The following STARD9 variants were observed in gnomAD, a reference collection of about 807,000 sequenced individuals.
STARD9 encodes StAR related lipid transfer domain containing 9, also known as stAR-related lipid transfer protein 9.
STARD9 carries 346 observed loss-of-function variants against 399.8 expected under a neutral mutation model. That is an observed-to-expected ratio of 0.87 (90% CI 0.79 to 0.95). The LOEUF (loss-of-function observed/expected upper bound fraction) is 0.95, where lower values mean the gene tolerates loss of function less well. Ranked by LOEUF, STARD9 falls within the 40% of genes least tolerant of loss-of-function variation. The pLI, the probability that STARD9 is intolerant of heterozygous loss-of-function variation, is 0.00. For missense variants in STARD9, 5,832 were observed against 5,667.5 expected, an observed-to-expected ratio of 1.03 and a Z score of -0.93; for synonymous variants, 2,203 against 2,143.5, an observed-to-expected ratio of 1.03 and a Z score of -0.77.
intron 7 of STARD9, among the ~76,000 whole-genome samples, chr15:42,641,679 A>C (rs919231858): frequency 7.9e-5 from 12 of 151,624 alleles, no homozygotes; most frequent in Non-Finnish European, 1.3e-4. Flanking sequence ...ATCTCGGCTC[A>C]CCACAGCCTC....
chr15:42,667,644 A>G (rs2060128514), intron 15 of STARD9, among the ~76,000 whole-genome samples: 1 of 150,390 alleles, frequency 6.6e-6, no homozygotes, highest in Non-Finnish European at 1.5e-5. Flanking sequence ...ACGCCAGGCT[A>G]ATTTTTTGTA....
chr15:42,719,510 T>C lies in STARD9; in HGVS notation c.14039T>C (p.Leu4680Pro). Residue 4680 changes from leucine to proline, a missense_variant, in exon 33 of 33, where the codon CTG becomes CCG. Leu to Pro is a moderately conservative substitution (Grantham distance 98). Coordinates refer to ENST00000290607, the MANE Select transcript of STARD9 (RefSeq NM_020759.3). ...LGAPGFPPQLLSSFIKRQPLV... is the reference protein window; with the variant it reads ...LGAPGFPPQLPSSFIKRQPLV... ...GCTCCAGGCTTCCCACCTCAGCTCC[T>C]GAGCTCTTTCATCAAACGGCAGCCA... The C allele has an allele frequency of 6.5e-7, 1 of 1,537,194 alleles. No homozygotes were observed. The highest frequency in any genetic ancestry group is 1.2e-5 in the South Asian group (1 of 84,062).
At position 42,718,875 on chromosome 15, in the gene STARD9, GGGAA is replaced by G; in HGVS notation, c.13972_13975del (p.Glu4658SerfsTer22). On this transcript the variant is annotated frameshift_variant, in exon 32 of 33. Transcript: ENST00000290607. LOFTEE classifies it high-confidence loss of function. ...GATCTTGCAGCCCATCACTGTGGAA[GGGAA>G]GGAAGTCACCAGAGTCATCTACTTG... 2 of 1,537,240 alleles carry G rather than the reference GGGAA, an allele frequency of 1.3e-6. No individual in the cohort carries two copies. Among genetic ancestry groups the G allele is most frequent in the Non-Finnish European group, 1.7e-6 (2 of 1,146,886 alleles).
At chr15:42,637,841 G>A (rs1172722143) in intron 4 of STARD9, 66 bp from the exon 5 acceptor site, 1 of 1,493,488 alleles carries the variant, frequency 6.7e-7, no homozygotes, top group Non-Finnish European at 9.0e-7. Flanking sequence ...ATGGTTCCTG[G>A]GTATTCTGTG....
chr15:42,684,984 C>T lies in STARD9; in HGVS notation c.3406C>T (p.Pro1136Ser), dbSNP rs1226300996. The part of the protein sequence containing the change: ...PEERKWDFPE[P>S]ENSESDDSQL... ...GGAGAGGAAATGGGATTTCCCAGAG[C>T]CAGAGAACTCTGAAAGTGATGACAG... The change falls in exon 23 of 33, where the codon CCA becomes TCA. Residue 1136 changes from proline to serine, a missense_variant. By Grantham distance (74) the Pro-to-Ser change is moderately conservative (BLOSUM62 -1). Transcript: ENST00000290607. 2 of 1,537,038 alleles carry T rather than the reference C, an allele frequency of 1.3e-6. No homozygotes were observed. Among genetic ancestry groups the T allele is most frequent in the Non-Finnish European group, 8.7e-7 (1 of 1,146,918 alleles).
In STARD9 at chr15:42,694,054, C is replaced by G. The variant is rs978885858; in HGVS notation, c.12476C>G (p.Thr4159Ser). 5 of 1,536,212 alleles carry G rather than the reference C, an allele frequency of 3.3e-6. No individual in the cohort carries two copies. Among genetic ancestry groups the G allele is most frequent in the Admixed American group, 2.0e-5 (1 of 50,832 alleles). ...GGCTCACCTGGGGGGTTGGACATGA[C>G]TGAGGAGGAGCTGGGGGCCAGCGGT... ...QKGSPGGLDMTEEELGASGDL... is the reference protein window; with the variant it reads ...QKGSPGGLDMSEEELGASGDL... The change falls in exon 23 of 33, where the codon ACT becomes AGT. Residue 4159 changes from threonine to serine, a missense_variant. Physicochemically the swap from Thr to Ser is moderately conservative, Grantham distance 58. This residue lies in a region of STARD9 where 5,828 missense variants were observed against 5,651.1 expected (regional missense o/e 1.03). Coordinates refer to ENST00000290607, the MANE Select transcript of STARD9 (RefSeq NM_020759.3).
Position 42,691,380 on chromosome 15 carries a change from A to T in STARD9, c.9802A>T (p.Lys3268Ter). 6.5e-7 allele frequency: 1 copy of T among 1,537,240 alleles called. No individual in the cohort carries two copies. Among genetic ancestry groups the T allele is most frequent in the Non-Finnish European group, 8.7e-7 (1 of 1,146,892 alleles). The stretch of plus-strand genomic sequence containing the variant: ...GTCCAAGATTTTATCACAGGGCTTC[A>T]AAGACCCAGCCACTGTGTCCTTGAG... ...PVSKILSQGFKDPATVSLRQN... is the reference protein window; with the variant it reads ...PVSKILSQGF Residue 3268 changes from lysine (K) to a stop codon, truncating the protein, a stop_gained, in exon 23 of 33, where the codon AAA (lysine) becomes TAA (stop). Transcript: ENST00000290607. LOFTEE classifies it high-confidence loss of function.
chr15:42,631,665 A>ATG (rs1293773626), intron 3 of STARD9, among the ~76,000 whole-genome samples: 1 of 151,674 alleles, frequency 6.6e-6, no homozygotes, highest in Non-Finnish European at 1.5e-5. Context: ...TTTAATTTCC[A>ATG]TGTGTGTGTA....
chr15:42,719,042 G>A (rs2061403425), intron 32 of STARD9, 132 bp downstream of exon 32: 1 of 726,018 alleles, frequency 1.4e-6, no homozygotes, highest in Non-Finnish European at 2.2e-6. Flanking sequence ...GAGACTTGAG[G>A]GCTTCCTGGG....
rs768143082 is a variant in STARD9 at position 42,689,862 on chromosome 15, C to A, written c.8284C>A (p.Gln2762Lys). The change falls in exon 23 of 33, where the codon CAG becomes AAG. Residue 2762 changes from glutamine (Q) to lysine (K), a missense_variant. This residue lies in a region of STARD9 where 5,828 missense variants were observed against 5,651.1 expected (regional missense o/e 1.03). Coordinates refer to ENST00000290607, the MANE Select transcript of STARD9 (RefSeq NM_020759.3). ...DPRVTLHELS[Q>K]SVPQETAEGI... is the part of the protein sequence containing the mutation. ...TAGAGTGACTCTGCATGAGCTAAGT[C>A]AGTCAGTTCCGCAGGAGACTGCAGA... 4 of 1,537,352 alleles carry A rather than the reference C, an allele frequency of 2.6e-6. No homozygotes were observed. The highest frequency in any genetic ancestry group is 3.5e-6 in the Non-Finnish European group (4 of 1,146,928).
At chr15:42,615,869 A>G (rs569200506) in intron 3 of STARD9, among the ~76,000 whole-genome samples, 1 of 152,314 alleles carries the variant, frequency 6.6e-6, no homozygotes, top group South Asian at 2.1e-4. Flanking sequence ...TGTCCATGAT[A>G]TGTGATAAAA....
At chr15:42,587,813 C>G (rs997749886) in intron 3 of STARD9, among the ~76,000 whole-genome samples, 2 of 152,166 alleles carry the variant, frequency 1.3e-5, no homozygotes, top group Non-Finnish European at 2.9e-5. Flanking sequence ...GATCCGCTCA[C>G]CTCAGCCTCC....
Position 42,577,254 on chromosome 15 carries a change from C to T in STARD9, c.47+1492C>T, listed in dbSNP as rs534900279. ...CTGCAAGCTCCGCCTCCCGGGTTCA[C>T]GCCATTCTCCTGCCTCAGCCTCCCC... On this transcript the variant is annotated intron_variant, in intron 1 of 32. Coordinates refer to ENST00000290607, the MANE Select transcript of STARD9 (RefSeq NM_020759.3). Among the ~76,000 whole-genome samples the T allele has an allele frequency of 2.0e-3, 308 of 152,046 alleles. 4 individuals are homozygous for T. Among genetic ancestry groups the T allele is most frequent in the Non-Finnish European group, 5.0e-4 (34 of 67,976 alleles).
intron 20 of STARD9, among the ~76,000 whole-genome samples, chr15:42,680,325 C>T (rs781335178): frequency 2.0e-5 from 3 of 152,058 alleles, no homozygotes; most frequent in Non-Finnish European, 4.4e-5. Flanking sequence ...TTAGGTCGGG[C>T]GTGGTGGCTC....
chr15:42,607,194 CTTTTTTTTTTTT>C (rs763484090), intron 3 of STARD9, among the ~76,000 whole-genome samples: 11 of 39,260 alleles, frequency 2.8e-4, no homozygotes, highest in East Asian at 1.1e-3. Context: ...TTTTCTGGTG[CTTTTTTTTTTTT>C]TTTTTTTTTT....
At chr15:42,619,199 G>T (rs1408629968) in intron 3 of STARD9, among the ~76,000 whole-genome samples, 1 of 152,092 alleles carries the variant, frequency 6.6e-6, no homozygotes, top group Non-Finnish European at 1.5e-5. Context: ...GACACAGAAT[G>T]ATTTGAACAA....
chr15:42,712,549 CCAA>C (rs1402259299), intron 26 of STARD9, among the ~76,000 whole-genome samples: 2 of 152,070 alleles, frequency 1.3e-5, no homozygotes, highest in South Asian at 2.1e-4. Flanking sequence ...TCCAGTTCTC[CCAA>C]CAACATTTGT....
intron 26 of STARD9, among the ~76,000 whole-genome samples, chr15:42,703,230 A>G (rs958169338): frequency 6.6e-6 from 1 of 151,948 alleles, no homozygotes; most frequent in Non-Finnish European, 1.5e-5. Context: ...CCATACCTCA[A>G]TATTTATATC....
intron 26 of STARD9, among the ~76,000 whole-genome samples, chr15:42,698,221 T>A (rs964663412): frequency 6.6e-6 from 1 of 152,216 alleles, no homozygotes; most frequent in African/African-American, 2.4e-5. Flanking sequence ...CATGTATCAT[T>A]TTGTACATAG....
Sources: allele counts gnomAD v4.1 joint callset (sites outside exome capture counted in the v4.1 genomes callset), GRCh38; gene constraint gnomAD v4.1.1; regional missense constraint gnomAD v4.1.1; transcripts MANE v1.5; gene names NCBI Gene and HGNC (gene_info 2026-07-23, HGNC 2026-07-21).